Variants in GPC5 observed in about 807,000 individuals in gnomAD.
GPC5 encodes the protein glypican 5, also known as glypican-5.
Under a neutral mutation model 53.9 loss-of-function variants are expected in GPC5, and 47 were observed. The ratio of observed to expected loss-of-function variants is 0.87; its 90% confidence interval spans 0.69 to 1.11. The LOEUF is 1.11. Among genes scored for constraint, GPC5 ranks in the 50% most tolerant of loss-of-function variants. GPC5 has a pLI of 0.00. For missense variants in GPC5, 748 were observed against 713.1 expected (o/e 1.05, Z -0.56); for synonymous variants, 286 against 263.3 (o/e 1.09, Z -0.84).
At chr13:92,741,184 T>G (rs1049376668) in intron 7 of GPC5, among the ~76,000 whole-genome samples, 11 of 150,788 alleles carry the variant, frequency 7.3e-5, no homozygotes, top group African/African-American at 2.7e-4. Context: ...CATGAGGACT[T>G]TGCCAAGCAT....
chr13:91,571,287 G>A (rs1197470614), intron 2 of GPC5, among the ~76,000 whole-genome samples: 1 of 152,088 alleles, frequency 6.6e-6, no homozygotes, highest in Non-Finnish European at 1.5e-5. Flanking sequence ...TCCTTGAAAT[G>A]TTTCAGATAG....
intron 7 of GPC5, among the ~76,000 whole-genome samples, chr13:92,497,181 T>C (rs1880010418): frequency 6.6e-6 from 1 of 152,226 alleles, no homozygotes; most frequent in Non-Finnish European, 1.5e-5. Context: ...TCTTTGCCAA[T>C]GCCTGTGTCC....
At chr13:91,740,163 T>A (rs2140064034) in intron 4 of GPC5, among the ~76,000 whole-genome samples, 1 of 152,264 alleles carries the variant, frequency 6.6e-6, no homozygotes, top group Non-Finnish European at 1.5e-5. Flanking sequence ...TGCATACTGA[T>A]TACTGTCTTA....
At chr13:92,853,534 A>T (rs889305496) in intron 7 of GPC5, among the ~76,000 whole-genome samples, 1 of 152,148 alleles carries the variant, frequency 6.6e-6, no homozygotes, top group Non-Finnish European at 1.5e-5. Context: ...TTACCATCTT[A>T]ATAGGCCTGA....
At chr13:92,112,802 A>G (rs2041568980) in intron 6 of GPC5, among the ~76,000 whole-genome samples, 1 of 152,122 alleles carries the variant, frequency 6.6e-6, no homozygotes, top group African/African-American at 2.4e-5. Flanking sequence ...TTGAAAAGCC[A>G]GTAGGGAAAT....
chr13:91,502,688 C>T (rs1160484213), intron 2 of GPC5, among the ~76,000 whole-genome samples: 1 of 152,166 alleles, frequency 6.6e-6, no homozygotes, highest in Non-Finnish European at 1.5e-5. Context: ...CACCCTGAAC[C>T]ACCCAGCACC....
At chr13:92,371,478 G>A (rs76738102) in intron 7 of GPC5, among the ~76,000 whole-genome samples, 2,189 of 152,186 alleles carry the variant, frequency 0.014, 54 homozygotes, top group African/African-American at 0.05. Context: ...AAATAGGGGT[G>A]TATTAGTCTG....
chr13:91,443,530 A>T (rs147431963), intron 1 of GPC5, among the ~76,000 whole-genome samples: 1 of 152,172 alleles, frequency 6.6e-6, no homozygotes, highest in South Asian at 2.1e-4. Flanking sequence ...TGTTCTTTTG[A>T]TATGGCCTGG....
chr13:92,250,716 A>G (rs9523555), intron 7 of GPC5, among the ~76,000 whole-genome samples: 1 of 151,844 alleles, frequency 6.6e-6, no homozygotes, highest in Non-Finnish European at 1.5e-5. Flanking sequence ...TATGTAAAAT[A>G]TATTAAAATA....
chr13:91,876,594 A>G (rs1370418097), intron 5 of GPC5, among the ~76,000 whole-genome samples: 1 of 152,202 alleles, frequency 6.6e-6, no homozygotes, highest in African/African-American at 2.4e-5. Context: ...AAAATTTCTA[A>G]GCAGCAAAGC....
chr13:92,202,601 GA>G (rs1321140734), intron 7 of GPC5, among the ~76,000 whole-genome samples: 1 of 152,154 alleles, frequency 6.6e-6, no homozygotes, highest in Non-Finnish European at 1.5e-5. Context: ...TTTCTAATAA[GA>G]GACGGTAATC....
At chr13:92,642,276 T>C (rs536765448) in intron 7 of GPC5, among the ~76,000 whole-genome samples, 2 of 144,254 alleles carry the variant, frequency 1.4e-5, no homozygotes, top group Admixed American at 6.7e-5. Context: ...ATCAGCAGGA[T>C]AGCAGATGTC....
intron 5 of GPC5, among the ~76,000 whole-genome samples, chr13:91,897,707 T>C (rs1180486422): frequency 1.3e-5 from 2 of 152,184 alleles, no homozygotes; most frequent in Non-Finnish European, 2.9e-5. Flanking sequence ...AAAAATTCCA[T>C]TAAATGTAGG....
intron 7 of GPC5, among the ~76,000 whole-genome samples, chr13:92,364,468 C>G (rs191001852): frequency 1.3e-5 from 2 of 151,776 alleles, no homozygotes; most frequent in Non-Finnish European, 2.9e-5. Flanking sequence ...CGGTGGCTTA[C>G]GCCTGTAATC....
intron 6 of GPC5, among the ~76,000 whole-genome samples, chr13:92,062,989 G>A (rs7983229): frequency 0.56 from 84,830 of 151,574 alleles, 24,158 homozygotes; most frequent in East Asian, 0.79. Flanking sequence ...TTAATATATA[G>A]ATCTGCATAT....
intron 5 of GPC5, among the ~76,000 whole-genome samples, chr13:91,767,186 G>A (rs956671085): frequency 6.6e-6 from 1 of 152,114 alleles, no homozygotes; most frequent in Non-Finnish European, 1.5e-5. Flanking sequence ...TTAGGGATTT[G>A]GGTTTGGGAA....
chr13:91,675,689 A>G (rs1407561330), intron 2 of GPC5, among the ~76,000 whole-genome samples: 1 of 152,204 alleles, frequency 6.6e-6, no homozygotes, highest in Non-Finnish European at 1.5e-5. Context: ...GTTTGCTCTT[A>G]ATGATGAATA....
At chr13:92,461,853 T>A (rs1878494167) in intron 7 of GPC5, among the ~76,000 whole-genome samples, 1 of 152,228 alleles carries the variant, frequency 6.6e-6, no homozygotes, top group East Asian at 1.9e-4. Context: ...TAAGCCAGCC[T>A]GTCTGTGGTA....
intron 2 of GPC5, among the ~76,000 whole-genome samples, chr13:91,653,044 CGTT>C (rs926923172): frequency 4.6e-5 from 7 of 152,218 alleles, no homozygotes; most frequent in South Asian, 2.1e-4. Flanking sequence ...AATTTCTACT[CGTT>C]GTCTTGCATG....
Sources: allele counts gnomAD v4.1 joint callset (sites outside exome capture counted in the v4.1 genomes callset), GRCh38; gene constraint gnomAD v4.1.1; transcripts MANE v1.5; gene names NCBI Gene and HGNC (gene_info 2026-07-23, HGNC 2026-07-21).